The following PCYOX1 variants were observed in gnomAD, a reference collection of about 807,000 sequenced individuals.
PCYOX1 encodes the protein prenylcysteine lyase.
Under a neutral mutation model 46.4 loss-of-function variants are expected in PCYOX1, and 46 were observed. The observed-to-expected ratio is 0.99, with a 90% CI of 0.78 to 1.27. The LOEUF (loss-of-function observed/expected upper bound fraction) is 1.27, where lower values mean the gene tolerates loss of function less well. Among genes scored for constraint, PCYOX1 ranks in the 50% most tolerant of loss-of-function variants. The pLI is 0.00. For synonymous variants in PCYOX1, 220 were observed against 231.8 expected (o/e 0.95, Z 0.46); for missense variants, 658 against 628.3 (o/e 1.05, Z -0.51).
intron 5 of PCYOX1, 75 bp from the exon 6 acceptor site, chr2:70,276,659 G>GAA: frequency 1.2e-6 from 1 of 806,196 alleles, no homozygotes; most frequent in Non-Finnish European, 2.0e-6. Flanking sequence ...GAGAAATTAT[G>GAA]AAGAAGGTAT....
intron 3 of PCYOX1, among the ~76,000 whole-genome samples, chr2:70,268,918 G>T (rs1175601864): frequency 6.6e-6 from 1 of 152,064 alleles, no homozygotes; most frequent in Non-Finnish European, 1.5e-5. Context: ...TCCACACCTT[G>T]ATCTTGGACT....
chr2:70,258,123 A>C (rs1696370903), upstream of PCYOX1: 1 of 1,464,726 alleles, frequency 6.8e-7, no homozygotes, highest in Non-Finnish European at 9.3e-7. Flanking sequence ...CGGTGGGAGG[A>C]CTGCGGGGCT....
chr2:70,268,825 A>G (rs1047168642), intron 3 of PCYOX1, among the ~76,000 whole-genome samples: 1 of 151,908 alleles, frequency 6.6e-6, no homozygotes, highest in Non-Finnish European at 1.5e-5. Flanking sequence ...CACAGAAGAA[A>G]CACACAAAGA....
chr2:70,261,131 G>A, intron 2 of PCYOX1, 81 bp from the exon 3 acceptor site: 1 of 831,046 alleles, frequency 1.2e-6, no homozygotes. Context: ...ACTGAGGGAA[G>A]CCCCAAATTC....
intron 4 of PCYOX1, 59 bp downstream of exon 4, chr2:70,275,229 T>G (rs113179619): frequency 7.4e-7 from 1 of 1,360,216 alleles, no homozygotes; most frequent in African/African-American, 1.4e-5. Flanking sequence ...TACCTGATGC[T>G]ATGGTGGTTC....
chr2:70,263,569 T>C (rs931736956), intron 3 of PCYOX1, among the ~76,000 whole-genome samples: 1 of 152,224 alleles, frequency 6.6e-6, no homozygotes, highest in Non-Finnish European at 1.5e-5. Context: ...CCAGTCACTT[T>C]ATAGAAGGTG....
At chr2:70,273,609 T>C (rs1032566797) in intron 3 of PCYOX1, among the ~76,000 whole-genome samples, 82 of 152,338 alleles carry the variant, frequency 5.4e-4, no homozygotes, top group African/African-American at 1.9e-3. Flanking sequence ...ATGTGCCTTA[T>C]TACTTATCCC....
In PCYOX1 at chr2:70,259,470, C is replaced by T; in HGVS notation, c.223C>T (p.Leu75=). 2 of 1,614,084 alleles carry T rather than the reference C, an allele frequency of 1.2e-6. No homozygotes were observed. The change falls in exon 2 of 6, where the codon CTG becomes TTG. Residue 75 remains leucine (L), a synonymous_variant. Transcript: ENST00000433351. The part of the protein sequence containing the change: ...LFEREEVGGR[L]ATMMVQGQEY... Reference sequence around the variant, plus strand: ...TGAAAGAGAAGAGGTCGGGGGCCGCCTGGCTACCATGATGGTGCAGGGGCA... The same window carrying T: ...TGAAAGAGAAGAGGTCGGGGGCCGCTTGGCTACCATGATGGTGCAGGGGCA...
At chr2:70,262,836 A>G (rs528191292) in intron 3 of PCYOX1, among the ~76,000 whole-genome samples, 88 of 152,318 alleles carry the variant, frequency 5.8e-4, no homozygotes, top group African/African-American at 2.1e-3. Context: ...CCAGGATCGC[A>G]TCATTACACT....
At chr2:70,276,230 G>C (rs1044901843) in intron 5 of PCYOX1, among the ~76,000 whole-genome samples, 2 of 151,260 alleles carry the variant, frequency 1.3e-5, no homozygotes, top group African/African-American at 4.9e-5. Context: ...GACTGTAGTG[G>C]CCTATCTCGG....
chr2:70,275,291 T>A, intron 4 of PCYOX1, 121 bp downstream of exon 4: 1 of 941,440 alleles, frequency 1.1e-6, no homozygotes, highest in Non-Finnish European at 1.7e-6. Context: ...ACCTCAGACA[T>A]TGTTAGCAAA....
chr2:70,263,190 T>C (rs1696465121), intron 3 of PCYOX1, among the ~76,000 whole-genome samples: 3 of 149,336 alleles, frequency 2.0e-5, no homozygotes, highest in Admixed American at 6.7e-5. Flanking sequence ...GCCACGATCG[T>C]GCCATTACAC....
At chr2:70,276,332 G>T (rs1336184646) in intron 5 of PCYOX1, among the ~76,000 whole-genome samples, 2 of 151,210 alleles carry the variant, frequency 1.3e-5, no homozygotes, top group South Asian at 4.2e-4. Context: ...TCAGCGTCCC[G>T]AGTAGCTGGG....
intron 3 of PCYOX1, among the ~76,000 whole-genome samples, chr2:70,267,490 C>G (rs1696543143): frequency 6.6e-6 from 1 of 152,116 alleles, no homozygotes; most frequent in Admixed American, 6.5e-5. Flanking sequence ...TGCACTCCAG[C>G]CTGGGCAACA....
Position 70,280,168 on chromosome 2 carries a change from G to C in PCYOX1, c.*2776G>C, listed in dbSNP as rs1247369603. 6.6e-6 allele frequency: 1 copy of C among 152,098 alleles called. No homozygotes were observed. The highest frequency in any genetic ancestry group is 1.5e-5 in the Non-Finnish European group (1 of 68,034). The allele number at this position is 152,098 out of a possible 1,614,324, so 9.4% of individuals were successfully genotyped here. ...CCAGTAGGGCATCTGAAATTGCTTT[G>C]GCAAAAGCAAAACAGGTTATCAATA... On this transcript the variant is annotated 3_prime_UTR_variant, in exon 6 of 6. Coordinates refer to ENST00000433351, the MANE Select transcript of PCYOX1 (RefSeq NM_016297.4).
chr2:70,265,198 A>ATTT (rs397871875), intron 3 of PCYOX1, among the ~76,000 whole-genome samples: 5 of 104,096 alleles, frequency 4.8e-5, no homozygotes, highest in African/African-American at 1.4e-4. Context: ...TTCTTAACTA[A>ATTT]TTTTTTTTTT....
At chr2:70,266,069 C>G (rs1696517249) in intron 3 of PCYOX1, among the ~76,000 whole-genome samples, 1 of 152,136 alleles carries the variant, frequency 6.6e-6, no homozygotes, top group Non-Finnish European at 1.5e-5. Context: ...GAATAATCCT[C>G]TCCCCTGCTG....
chr2:70,270,871 C>G (rs923122909), intron 3 of PCYOX1, among the ~76,000 whole-genome samples: 2 of 151,896 alleles, frequency 1.3e-5, no homozygotes, highest in African/African-American at 4.8e-5. Flanking sequence ...CTCACTGTGC[C>G]ACTGCACCAC....
Position 70,277,423 on chromosome 2 carries a change from C to T in PCYOX1, c.*31C>T. ...CACACTCCTTTTTCCCCTCCTAGTT[C>T]CAAATGACTATCAGTGGCAAAAAAG... On this transcript the variant is annotated 3_prime_UTR_variant, in exon 6 of 6. Transcript: ENST00000433351. 6.6e-7 allele frequency: 1 copy of T among 1,520,988 alleles called. No individual in the cohort carries two copies. Among genetic ancestry groups the T allele is most frequent in the East Asian group, 2.3e-5 (1 of 43,862 alleles). The allele number at this position is 1,520,988 out of a possible 1,614,324, so 94.2% of individuals were successfully genotyped here.
Sources: gnomAD v4.1 joint callset for allele counts (sites outside exome capture counted in the v4.1 genomes callset) on GRCh38, gnomAD v4.1.1 for gene constraint, MANE v1.5 for transcripts, NCBI Gene and HGNC (gene_info 2026-07-23, HGNC 2026-07-21) for gene names.